The following FHIT variants were observed in gnomAD, a reference collection of about 807,000 sequenced individuals.
FHIT encodes bis(5'-adenosyl)-triphosphatase.
A neutral mutation model predicts 17.9 loss-of-function variants in FHIT; 19 were observed. The ratio of observed to expected loss-of-function variants is 1.06; its 90% CI spans 0.74 to 1.56. The LOEUF (loss-of-function observed/expected upper bound fraction) is 1.56, where lower values mean the gene tolerates loss of function less well. Ranked by LOEUF, FHIT falls within the 40% of genes most tolerant of loss-of-function variation. FHIT has a pLI of 0.00. For missense variants in FHIT, 248 were observed against 189.2 expected, an observed-to-expected ratio of 1.31 and a Z score of -1.82; for synonymous variants, 81 against 69.7, an observed-to-expected ratio of 1.16 and a Z score of -0.81.
intron 5 of FHIT, among the ~76,000 whole-genome samples, chr3:60,348,137 A>AG (rs1259298619): frequency 6.6e-6 from 1 of 151,774 alleles, no homozygotes; most frequent in Non-Finnish European, 1.5e-5. Context: ...TATACTGAAA[A>AG]AAAAATTGTG....
chr3:60,197,972 G>T (rs2107485770), intron 5 of FHIT, among the ~76,000 whole-genome samples: 1 of 152,256 alleles, frequency 6.6e-6, no homozygotes, highest in East Asian at 1.9e-4. Context: ...GCTGAAATCA[G>T]TTATTATGAG....
At chr3:60,672,349 G>T (rs1271983747) in intron 4 of FHIT, among the ~76,000 whole-genome samples, 1 of 150,776 alleles carries the variant, frequency 6.6e-6, no homozygotes, top group East Asian at 1.9e-4. Flanking sequence ...GATTTGGGTA[G>T]GTAAAGGAAA....
chr3:60,353,017 G>A (rs13096007), intron 5 of FHIT, among the ~76,000 whole-genome samples: 55,105 of 151,982 alleles, frequency 0.36, 11,750 homozygotes, highest in South Asian at 0.6. Flanking sequence ...ACTTTCAGTT[G>A]ATCAATTGAT....
At chr3:60,581,584 C>A (rs2037751196) in intron 4 of FHIT, among the ~76,000 whole-genome samples, 1 of 152,020 alleles carries the variant, frequency 6.6e-6, no homozygotes, top group Non-Finnish European at 1.5e-5. Flanking sequence ...ACATTAGATT[C>A]ATATCTATAA....
At chr3:60,197,663 C>A (rs1027489657) in intron 5 of FHIT, among the ~76,000 whole-genome samples, 1 of 152,146 alleles carries the variant, frequency 6.6e-6, no homozygotes, top group African/African-American at 2.4e-5. Context: ...TATCTTAGTA[C>A]TTCCGAGGTT....
intron 7 of FHIT, among the ~76,000 whole-genome samples, chr3:59,986,759 AATATATTT>A (rs1708975523): frequency 4.9e-5 from 1 of 20,572 alleles, no homozygotes. Context: ...TATATATATA[AATATATTT>A]ATATAAATAT....
At chr3:60,876,398 T>C (rs1704653965) in intron 3 of FHIT, among the ~76,000 whole-genome samples, 2 of 152,194 alleles carry the variant, frequency 1.3e-5, no homozygotes, top group African/African-American at 2.4e-5. Flanking sequence ...TTTGATGTTT[T>C]TAAGTAGTAC....
At position 60,390,404 on chromosome 3, in the gene FHIT, A is replaced by G. The variant is rs1701176644; in HGVS notation, c.103+146456T>C. On this transcript the variant is annotated intron_variant, in intron 5 of 9. Transcript: ENST00000492590. ...TAAGATTGTAATGGAGCTAAAAAAA[A>G]AAAAAAAAAAAAAAAAAAAAAAAAC... 2.3e-5 allele frequency among the ~76,000 whole-genome samples: 2 copies of G among 85,456 alleles called. 1 individual carries two copies. The highest frequency in any genetic ancestry group is 2.7e-4 in the Admixed American group (2 of 7,290). The allele number at this position is 85,456 out of a possible 152,430, so 56.1% of individuals were successfully genotyped here.
chr3:60,057,996 T>C (rs981067754), intron 5 of FHIT, among the ~76,000 whole-genome samples: 20 of 151,908 alleles, frequency 1.3e-4, no homozygotes, highest in African/African-American at 3.9e-4. Flanking sequence ...TTGGTAACAA[T>C]TCCACTTCTG....
chr3:61,223,781 T>C (rs893364298), intron 1 of FHIT, among the ~76,000 whole-genome samples: 8 of 152,214 alleles, frequency 5.3e-5, no homozygotes, highest in African/African-American at 7.2e-5. Flanking sequence ...TGCATTATAC[T>C]AACACGATGG....
chr3:60,338,656 C>T (rs1267198055), intron 5 of FHIT, among the ~76,000 whole-genome samples: 1 of 152,112 alleles, frequency 6.6e-6, no homozygotes, highest in East Asian at 1.9e-4. Flanking sequence ...TAGATGTTGC[C>T]TGAGAAAGAT....
intron 7 of FHIT, among the ~76,000 whole-genome samples, chr3:59,979,641 G>A (rs1329848411): frequency 2.6e-5 from 4 of 152,080 alleles, no homozygotes; most frequent in Non-Finnish European, 5.9e-5. Context: ...CGCTGTCATG[G>A]AACATTCCTA....
At chr3:60,495,466 G>T (rs1052618244) in intron 5 of FHIT, among the ~76,000 whole-genome samples, 2 of 151,712 alleles carry the variant, frequency 1.3e-5, no homozygotes, top group Admixed American at 1.3e-4. Context: ...ACAAATATGA[G>T]TTTTTACTCC....
chr3:59,833,506 A>G (rs1375512056), intron 8 of FHIT, among the ~76,000 whole-genome samples: 1 of 152,204 alleles, frequency 6.6e-6, no homozygotes, highest in African/African-American at 2.4e-5. Flanking sequence ...CAGAGAGAGC[A>G]TGACCCTACC....
chr3:59,926,128 G>A (rs1366628369), intron 7 of FHIT, among the ~76,000 whole-genome samples: 1 of 152,100 alleles, frequency 6.6e-6, no homozygotes, highest in East Asian at 1.9e-4. Flanking sequence ...CACCAAAAAT[G>A]TTTTCATGGT....
chr3:61,125,323 G>T (rs971442033), intron 2 of FHIT, among the ~76,000 whole-genome samples: 10 of 152,158 alleles, frequency 6.6e-5, no homozygotes, highest in African/African-American at 2.4e-4. Context: ...ACTACCTTAT[G>T]TTAGGCATAT....
At chr3:59,884,972 T>C (rs1446099508) in intron 8 of FHIT, among the ~76,000 whole-genome samples, 1 of 152,232 alleles carries the variant, frequency 6.6e-6, no homozygotes, top group Non-Finnish European at 1.5e-5. Flanking sequence ...AAGTCAACTA[T>C]TCCTGTGGTT....
At chr3:59,881,240 G>C (rs952677557) in intron 8 of FHIT, among the ~76,000 whole-genome samples, 7 of 152,160 alleles carry the variant, frequency 4.6e-5, no homozygotes, top group African/African-American at 1.7e-4. Flanking sequence ...TGCTTCTAGA[G>C]AGGCCAGGTT....
At chr3:60,589,290 C>T (rs1553663298) in intron 4 of FHIT, among the ~76,000 whole-genome samples, 1 of 152,058 alleles carries the variant, frequency 6.6e-6, no homozygotes, top group Non-Finnish European at 1.5e-5. Context: ...CCAGGCCCAA[C>T]CACTTCTTTC....
Sources: allele counts gnomAD v4.1 joint callset (sites outside exome capture counted in the v4.1 genomes callset), GRCh38; gene constraint gnomAD v4.1.1; transcripts MANE v1.5; gene names NCBI Gene and HGNC (gene_info 2026-07-23, HGNC 2026-07-21).